The following SNAP47 variants were observed in gnomAD, a reference collection of about 807,000 sequenced individuals.
SNAP47 encodes the protein synaptosomal-associated protein 47.
In SNAP47, 20 loss-of-function variants were observed where a neutral mutation model predicts 31.4. The observed-to-expected ratio is 0.64, with a 90% CI of 0.45 to 0.93. The LOEUF is 0.93. SNAP47 is among the 40% of genes least tolerant of loss of function. SNAP47 has a pLI of 0.00. For missense variants in SNAP47, 492 were observed against 528.5 expected, an observed-to-expected ratio of 0.93 and a Z score of 0.68; for synonymous variants, 194 against 213.4, an observed-to-expected ratio of 0.91 and a Z score of 0.79.
At chr1:227,771,939 A>T (rs1441006091) in intron 4 of SNAP47, among the ~76,000 whole-genome samples, 1 of 152,188 alleles carries the variant, frequency 6.6e-6, no homozygotes, top group Non-Finnish European at 1.5e-5. Context: ...GCCGGAGGCC[A>T]GCACCTGACA....
upstream of SNAP47, chr1:227,732,187 G>A: frequency 3.2e-6 from 2 of 621,612 alleles, no homozygotes; most frequent in Middle Eastern, 4.4e-4. Context: ...CTGCAGGTCA[G>A]AAGGGCCACA....
At chr1:227,758,457 C>A (rs1662827537) in intron 2 of SNAP47, among the ~76,000 whole-genome samples, 1 of 152,200 alleles carries the variant, frequency 6.6e-6, no homozygotes, top group Admixed American at 6.5e-5. Context: ...TCGGCACCAA[C>A]AGGAATCTGG....
At chr1:227,777,353 G>T (rs1425716244) in intron 4 of SNAP47, among the ~76,000 whole-genome samples, 1 of 152,226 alleles carries the variant, frequency 6.6e-6, no homozygotes, top group Non-Finnish European at 1.5e-5. Flanking sequence ...TGTTGGAGAT[G>T]ACCCTGGGGG....
At chr1:227,732,500 C>G (rs1379477066), upstream of SNAP47, 2 of 1,613,364 alleles carry the variant, frequency 1.2e-6, no homozygotes, top group Non-Finnish European at 1.7e-6. Context: ...GGTGCGCAAC[C>G]AAGGAGGCCA....
In SNAP47 at chr1:227,762,253, C is replaced by G. The variant is rs574427275; in HGVS notation, c.988+2768C>G. 1.6e-4 allele frequency among the ~76,000 whole-genome samples: 25 copies of G among 152,314 alleles called. No homozygotes were observed. In the South Asian group the frequency reaches 5.2e-3, roughly 32 times the overall value. On this transcript the variant is annotated intron_variant, in intron 3 of 4. Coordinates refer to ENST00000617596, the MANE Select transcript of SNAP47 (RefSeq NM_053052.4). This position sits in a 1 kb window ranked among gnomAD's most constrained non-coding sequence, Gnocchi z 4.2. ...ACCCCCATGGGCAACCTGGCCTGTC[C>G]AGGTAAGTGCTGGTCTCATGGGGGC...
At chr1:227,733,824 GC>G (rs1314297110), upstream of SNAP47, 2 of 1,592,808 alleles carry the variant, frequency 1.3e-6, no homozygotes, top group Non-Finnish European at 1.7e-6. Context: ...GTGCCAAGCA[GC>G]CCCCCTCCTG....
chr1:227,758,880 A>G (rs1662859899), intron 2 of SNAP47, 115 bp from the exon 3 acceptor site: 1 of 1,285,288 alleles, frequency 7.8e-7, no homozygotes, highest in East Asian at 2.5e-5. Flanking sequence ...GTGGAAATGA[A>G]GTAGAGTAAA....
chr1:227,770,443 A>T (rs1006831681), intron 4 of SNAP47: 1 of 153,424 alleles, frequency 6.5e-6, no homozygotes, highest in Non-Finnish European at 1.5e-5. Flanking sequence ...CCACAGCGTC[A>T]TGTCCCATGT....
At chr1:227,761,903 A>G (rs1243672528) in intron 3 of SNAP47, among the ~76,000 whole-genome samples, 2 of 152,106 alleles carry the variant, frequency 1.3e-5, no homozygotes, top group East Asian at 3.9e-4. Flanking sequence ...GGTTCCTGCA[A>G]TCTGTGCCGT....
intron 4 of SNAP47, chr1:227,776,705 C>T (rs1558217972): frequency 1.0e-6 from 1 of 985,504 alleles, no homozygotes; most frequent in Non-Finnish European, 1.2e-6. Flanking sequence ...ACCTGCACTC[C>T]AGGACACTAG....
chr1:227,776,316 T>C, intron 4 of SNAP47: 1 of 988,722 alleles, frequency 1.0e-6, no homozygotes, highest in Non-Finnish European at 1.2e-6. Flanking sequence ...CTCTATTTCT[T>C]TGAAGTTTAT....
At chr1:227,735,049 C>A (rs764108656), upstream of SNAP47, 1 of 1,556,398 alleles carries the variant, frequency 6.4e-7, no homozygotes, top group Non-Finnish European at 8.7e-7. Flanking sequence ...CGGGCCTCCC[C>A]GCGGGCGTCA....
At chr1:227,735,150 C>T (rs1660999229), upstream of SNAP47, 1 of 1,581,664 alleles carries the variant, frequency 6.3e-7, no homozygotes, top group Non-Finnish European at 8.6e-7. Flanking sequence ...ACAAAGTCGG[C>T]GTAGGAGAAG....
chr1:227,776,575 A>G lies in SNAP47; in HGVS notation c.1114-3952A>G, dbSNP rs1664172615. ...GCTTGTCACCCCAGGCCGCAGAGGA[A>G]CAACTGTTTCTAGGGTTTGGCCAGA... On this transcript the variant is annotated intron_variant, in intron 4 of 4. Coordinates refer to ENST00000617596, the MANE Select transcript of SNAP47 (RefSeq NM_053052.4). 3 of 985,378 alleles carry G rather than the reference A, an allele frequency of 3.0e-6. No individual in the cohort carries two copies. The South Asian group carries it at 1.4e-4, about 46-fold the overall frequency. The allele number at this position is 985,378 out of a possible 1,614,324, so 61.0% of individuals were successfully genotyped here.
chr1:227,774,594 G>T (rs959552047), intron 4 of SNAP47, among the ~76,000 whole-genome samples: 5 of 151,908 alleles, frequency 3.3e-5, no homozygotes, highest in Admixed American at 3.3e-4. Flanking sequence ...GCCGCAGCGC[G>T]CAGGGCAGAG....
chr1:227,765,795 G>A (rs544406561), intron 3 of SNAP47, among the ~76,000 whole-genome samples: 1 of 152,272 alleles, frequency 6.6e-6, no homozygotes, highest in East Asian at 1.9e-4. Flanking sequence ...GGCCATCCCT[G>A]TGCTCAGTCC....
chr1:227,780,674 G>A lies in SNAP47; in HGVS notation c.*1G>A, dbSNP rs1410356104. 1.9e-6 allele frequency: 3 copies of A among 1,614,088 alleles called. No homozygotes were observed. The highest frequency in any genetic ancestry group is 1.7e-6 in the Non-Finnish European group (2 of 1,179,990). ...CAGGCGGATGAAGAGGCTGACCTAG[G>A]GGCAGAACGTCCCTGCATTCCTGTC... On this transcript the variant is annotated 3_prime_UTR_variant, in exon 5 of 5. Transcript: ENST00000617596.
chr1:227,775,480 A>G (rs1355701162), intron 4 of SNAP47, among the ~76,000 whole-genome samples: 2 of 152,138 alleles, frequency 1.3e-5, no homozygotes, highest in Non-Finnish European at 2.9e-5. Context: ...CGGCGTCGCG[A>G]GGCGAGCCAG....
At chr1:227,734,911 C>A, upstream of SNAP47, 2 of 1,528,178 alleles carry the variant, frequency 1.3e-6, no homozygotes, top group African/African-American at 1.4e-5. Flanking sequence ...CGCGCCTGGC[C>A]TCCCTCACCC....
Sources: gnomAD v4.1 joint callset for allele counts (sites outside exome capture counted in the v4.1 genomes callset) on GRCh38, gnomAD v4.1.1 for gene constraint, Gnocchi (gnomAD v3.1) non-coding constraint, MANE v1.5 for transcripts, NCBI Gene and HGNC (gene_info 2026-07-23, HGNC 2026-07-21) for gene names.